THSD7A: variants seen among roughly 807,000 people sequenced by gnomAD.
THSD7A encodes the protein thrombospondin type-1 domain-containing protein 7A.
Under a neutral mutation model 231.3 loss-of-function variants are expected in THSD7A, and 96 were observed. The observed-to-expected ratio is 0.41, with a 90% CI of 0.35 to 0.49. The LOEUF is 0.49. Among genes scored for constraint, THSD7A ranks in the 20% least tolerant of loss-of-function variants. The pLI is 0.05. For missense variants in THSD7A, 2,290 were observed against 2,070.2 expected, an observed-to-expected ratio of 1.11 and a Z score of -2.06; for synonymous variants, 940 against 743.3, an observed-to-expected ratio of 1.26 and a Z score of -4.30.
chr7:11,718,179 A>G (rs578150976), intron 1 of THSD7A, among the ~76,000 whole-genome samples: 1 of 151,776 alleles, frequency 6.6e-6, no homozygotes, highest in Admixed American at 6.6e-5. Context: ...AGTATAGCAA[A>G]TGCAAAATTT....
intron 1 of THSD7A, among the ~76,000 whole-genome samples, chr7:11,695,418 G>T (rs1243024067): frequency 1.3e-5 from 2 of 151,424 alleles, no homozygotes; most frequent in African/African-American, 4.8e-5. Flanking sequence ...ATATAATCTG[G>T]ATCCTCAATA....
chr7:11,558,680 AT>A (rs1204709314), intron 4 of THSD7A, among the ~76,000 whole-genome samples: 1 of 152,190 alleles, frequency 6.6e-6, no homozygotes, highest in Non-Finnish European at 1.5e-5. Flanking sequence ...AGGGTCTAAA[AT>A]TTCAGAGAGA....
intron 1 of THSD7A, among the ~76,000 whole-genome samples, chr7:11,654,368 C>T (rs1782630740): frequency 6.6e-6 from 1 of 151,904 alleles, no homozygotes; most frequent in Non-Finnish European, 1.5e-5. Context: ...GATAATCAGT[C>T]TTAACTTCAA....
At chr7:11,463,531 T>G (rs1379351686) in intron 9 of THSD7A, among the ~76,000 whole-genome samples, 1 of 152,144 alleles carries the variant, frequency 6.6e-6, no homozygotes, top group African/African-American at 2.4e-5. Flanking sequence ...GTATGACCTA[T>G]CCCAATGTAA....
intron 16 of THSD7A, among the ~76,000 whole-genome samples, chr7:11,419,325 T>C (rs2115402164): frequency 6.6e-6 from 1 of 152,304 alleles, no homozygotes; most frequent in East Asian, 1.9e-4. Context: ...CCCCTTGCTG[T>C]TCATGATAGT....
intron 4 of THSD7A, among the ~76,000 whole-genome samples, chr7:11,557,613 G>A (rs933242346): frequency 6.6e-6 from 1 of 151,976 alleles, no homozygotes; most frequent in African/African-American, 2.4e-5. Context: ...TTATGACCCT[G>A]CTCCAGAATG....
intron 1 of THSD7A, among the ~76,000 whole-genome samples, chr7:11,810,320 T>A (rs1156994371): frequency 6.6e-6 from 1 of 152,188 alleles, no homozygotes; most frequent in South Asian, 2.1e-4. Context: ...TGCACATCCT[T>A]TGGAGGCCAG....
intron 6 of THSD7A, among the ~76,000 whole-genome samples, chr7:11,495,774 C>T (rs1418998387): frequency 6.6e-6 from 1 of 152,096 alleles, no homozygotes; most frequent in Non-Finnish European, 1.5e-5. Context: ...TGTGCTGAGA[C>T]TTTTGAAGTC....
chr7:11,565,238 T>C lies in THSD7A; in HGVS notation c.1454-22121A>G, dbSNP rs190636667. On this transcript the variant is annotated intron_variant, in intron 4 of 27. Coordinates refer to ENST00000423059, the MANE Select transcript of THSD7A (RefSeq NM_015204.3). ...AAAATATAATAACAAAACTGTAGCATTTAGAATTTGTGAAATCATAATCCT... is the reference window on the plus strand; with the variant it reads ...AAAATATAATAACAAAACTGTAGCACTTAGAATTTGTGAAATCATAATCCT... 9.8e-5 allele frequency among the ~76,000 whole-genome samples: 15 copies of C among 152,332 alleles called. No homozygotes were observed. In the East Asian group the frequency reaches 2.9e-3, roughly 29 times the overall value.
chr7:11,716,941 T>G (rs1584253842), intron 1 of THSD7A, among the ~76,000 whole-genome samples: 2 of 151,550 alleles, frequency 1.3e-5, no homozygotes, highest in South Asian at 4.1e-4. Context: ...ACGAATACCC[T>G]TTATGAAATA....
At chr7:11,685,170 T>C (rs941740947) in intron 1 of THSD7A, among the ~76,000 whole-genome samples, 27 of 151,908 alleles carry the variant, frequency 1.8e-4, no homozygotes, top group Admixed American at 1.1e-3. Context: ...TGGCTAACTA[T>C]ATGCAGCAGA....
At chr7:11,629,822 T>A (rs73676054) in intron 2 of THSD7A, among the ~76,000 whole-genome samples, 1 of 152,152 alleles carries the variant, frequency 6.6e-6, no homozygotes, top group African/African-American at 2.4e-5. Flanking sequence ...ATTTTATGTC[T>A]GCAATTTTAG....
intron 11 of THSD7A, among the ~76,000 whole-genome samples, chr7:11,458,127 T>C (rs945053228): frequency 5.3e-5 from 8 of 152,116 alleles, no homozygotes; most frequent in African/African-American, 1.9e-4. Flanking sequence ...AGCTTCTCTA[T>C]AGTCTTTGTT....
chr7:11,618,720 G>A (rs1781201734), intron 2 of THSD7A, among the ~76,000 whole-genome samples: 1 of 151,694 alleles, frequency 6.6e-6, no homozygotes, highest in Non-Finnish European at 1.5e-5. Context: ...CCCGGGAGGC[G>A]GAGCTTGCAG....
At chr7:11,452,874 T>C (rs1294195100) in intron 11 of THSD7A, among the ~76,000 whole-genome samples, 2 of 152,038 alleles carry the variant, frequency 1.3e-5, no homozygotes, top group Non-Finnish European at 2.9e-5. Context: ...TTTTAAATAA[T>C]GGTATATATA....
chr7:11,542,302 T>C (rs1344442815), intron 5 of THSD7A, among the ~76,000 whole-genome samples: 1 of 152,202 alleles, frequency 6.6e-6, no homozygotes, highest in African/African-American at 2.4e-5. Context: ...GTCTGTTTAT[T>C]GCTATGTAAA....
chr7:11,771,336 T>C (rs890372073), intron 1 of THSD7A, among the ~76,000 whole-genome samples: 9 of 151,720 alleles, frequency 5.9e-5, no homozygotes, highest in Non-Finnish European at 1.0e-4. Context: ...TAGAAAAATA[T>C]AAAAACAGTT....
In THSD7A at chr7:11,684,359, A is replaced by G. The variant is rs560900390; in HGVS notation, c.191-47398T>C. Among the ~76,000 whole-genome samples the G allele has an allele frequency of 1.7e-4, 26 of 151,504 alleles. No individual in the cohort carries two copies. The South Asian group carries it at 3.4e-3, about 20-fold the overall frequency. The stretch of plus-strand genomic sequence containing the variant: ...TGTTTGTTCTCATGACTGCTATTCA[A>G]TGTTGTACTAGAAATCCTAGCCAGA... On this transcript the variant is annotated intron_variant, in intron 1 of 27. Transcript: ENST00000423059.
chr7:11,590,739 A>C lies in THSD7A; in HGVS notation c.1272-98T>G. 1 of 1,350,576 alleles carries C rather than the reference A, an allele frequency of 7.4e-7. No individual in the cohort carries two copies. Among genetic ancestry groups the C allele is most frequent in the Non-Finnish European group, 9.9e-7 (1 of 1,006,028 alleles). 83.7% of individuals were successfully genotyped at this position (1,350,576 alleles called of 1,614,324 possible). On this transcript the variant is annotated intron_variant, in intron 3 of 27. Coordinates refer to ENST00000423059, the MANE Select transcript of THSD7A (RefSeq NM_015204.3). This position sits in a 1 kb window ranked among gnomAD's most constrained non-coding sequence, Gnocchi z 4.4. ...TGTTTTAACGAAAATTAGTCTCAAAATCATTTTCCTAGAGAATCCATCGTA... is the reference window on the plus strand; with the variant it reads ...TGTTTTAACGAAAATTAGTCTCAAACTCATTTTCCTAGAGAATCCATCGTA...
Sources: allele counts gnomAD v4.1 joint callset (sites outside exome capture counted in the v4.1 genomes callset), GRCh38; gene constraint gnomAD v4.1.1; non-coding constraint Gnocchi (gnomAD v3.1); transcripts MANE v1.5; gene names NCBI Gene and HGNC (gene_info 2026-07-23, HGNC 2026-07-21).